The following CPNE4 variants were observed in gnomAD, a reference collection of about 807,000 sequenced individuals.
CPNE4 encodes the protein copine 4.
A neutral mutation model predicts 67.9 loss-of-function variants in CPNE4; 25 were observed. That is an observed-to-expected ratio of 0.37 (90% confidence interval 0.27 to 0.51). CPNE4 has a LOEUF of 0.51. Among genes scored for constraint, CPNE4 ranks in the 20% least tolerant of loss-of-function variants. The pLI is 0.93. For synonymous variants in CPNE4, 242 were observed against 244.9 expected (o/e 0.99, Z 0.11); for missense variants, 464 against 690.8 (o/e 0.67, Z 3.68).
intron 1 of CPNE4, among the ~76,000 whole-genome samples, chr3:131,926,986 G>A (rs562719854): frequency 6.6e-6 from 1 of 152,192 alleles, no homozygotes; most frequent in South Asian, 2.1e-4. Context: ...GAGAGAGGAA[G>A]GAGCAAGACA....
chr3:131,776,969 C>T (rs1213646887), intron 2 of CPNE4, among the ~76,000 whole-genome samples: 2 of 152,094 alleles, frequency 1.3e-5, no homozygotes, highest in Non-Finnish European at 2.9e-5. Context: ...TACTGCTACT[C>T]CTGTGCCCTA....
intron 1 of CPNE4, among the ~76,000 whole-genome samples, chr3:131,958,125 T>C (rs2072031163): frequency 6.6e-6 from 1 of 152,194 alleles, no homozygotes. Context: ...AACATGACAA[T>C]AGGTAACTTT....
chr3:131,569,511 G>T (rs912413292), intron 10 of CPNE4, among the ~76,000 whole-genome samples: 1 of 151,770 alleles, frequency 6.6e-6, no homozygotes, highest in Non-Finnish European at 1.5e-5. Flanking sequence ...GGTAGCATAT[G>T]GTTGTAGTCC....
intron 7 of CPNE4, among the ~76,000 whole-genome samples, chr3:131,655,241 C>CT (rs936062718): frequency 3.9e-5 from 6 of 152,204 alleles, no homozygotes; most frequent in African/African-American, 1.4e-4. Context: ...GGGCCCCACC[C>CT]TAGACCTACT....
At chr3:131,978,048 G>GAT (rs1279797313) in intron 1 of CPNE4, among the ~76,000 whole-genome samples, 1 of 76,568 alleles carries the variant, frequency 1.3e-5, no homozygotes, top group Non-Finnish European at 2.3e-5. Flanking sequence ...TTCCATCATA[G>GAT]ATATATATAA....
intron 2 of CPNE4, among the ~76,000 whole-genome samples, chr3:131,806,526 G>C (rs1359172035): frequency 6.7e-6 from 1 of 149,088 alleles, no homozygotes; most frequent in Non-Finnish European, 1.5e-5. Flanking sequence ...CTCCAGCCTG[G>C]GTGACAGAGT....
intron 6 of CPNE4, among the ~76,000 whole-genome samples, chr3:131,678,480 G>T (rs7432697): frequency 6.6e-6 from 1 of 151,834 alleles, no homozygotes; most frequent in Non-Finnish European, 1.5e-5. Flanking sequence ...ATGTTGAATA[G>T]GAGTGGTGAG....
At chr3:131,538,948 G>A (rs1221691394) in intron 15 of CPNE4, 1 of 152,090 alleles carries the variant, frequency 6.6e-6, no homozygotes, top group Non-Finnish European at 1.5e-5. Flanking sequence ...TCTTTATCCA[G>A]TCTATGATAT....
chr3:131,984,278 T>C (rs530109180), intron 1 of CPNE4, among the ~76,000 whole-genome samples: 1 of 152,210 alleles, frequency 6.6e-6, no homozygotes, highest in Non-Finnish European at 1.5e-5. Context: ...GATAAACTTA[T>C]CTTTTATCAT....
At chr3:131,574,300 G>A (rs1937485863) in intron 10 of CPNE4, among the ~76,000 whole-genome samples, 1 of 152,004 alleles carries the variant, frequency 6.6e-6, no homozygotes, top group Non-Finnish European at 1.5e-5. Context: ...TTTGCCATCT[G>A]GGGATTCTTT....
chr3:131,669,794 G>A (rs189384304), intron 6 of CPNE4, 30 bp from the exon 7 acceptor site: 2 of 1,516,572 alleles, frequency 1.3e-6, no homozygotes, highest in South Asian at 2.3e-5. Flanking sequence ...AGTGGTGAGT[G>A]GGGGAGAAAT....
chr3:131,642,167 T>TA (rs1386980366), intron 7 of CPNE4, among the ~76,000 whole-genome samples: 1 of 151,928 alleles, frequency 6.6e-6, no homozygotes, highest in Non-Finnish European at 1.5e-5. Flanking sequence ...AAATAAAAAA[T>TA]AAAAAAATTT....
chr3:132,032,543 T>C (rs935079703), intron 1 of CPNE4, among the ~76,000 whole-genome samples: 2 of 152,240 alleles, frequency 1.3e-5, no homozygotes, highest in Non-Finnish European at 2.9e-5. Flanking sequence ...ACCATAAGAA[T>C]CTTCCCATGA....
At chr3:132,010,925 A>C (rs1207153908) in intron 1 of CPNE4, among the ~76,000 whole-genome samples, 2 of 152,176 alleles carry the variant, frequency 1.3e-5, no homozygotes, top group Non-Finnish European at 1.5e-5. Context: ...AAGGCACCCC[A>C]GTAGGGGAGC....
At chr3:131,943,077 A>C (rs1420740612) in intron 1 of CPNE4, among the ~76,000 whole-genome samples, 1 of 152,188 alleles carries the variant, frequency 6.6e-6, no homozygotes, top group African/African-American at 2.4e-5. Flanking sequence ...GAATTTACAA[A>C]AGTAATAAAG....
At chr3:131,594,759 C>A (rs1938742078) in intron 7 of CPNE4, among the ~76,000 whole-genome samples, 1 of 152,186 alleles carries the variant, frequency 6.6e-6, no homozygotes, top group African/African-American at 2.4e-5. Context: ...AATTAACGGG[C>A]AACCTATGGA....
At chr3:131,553,628 G>A (rs1936305301) in intron 12 of CPNE4, among the ~76,000 whole-genome samples, 1 of 152,062 alleles carries the variant, frequency 6.6e-6, no homozygotes, top group African/African-American at 2.4e-5. Flanking sequence ...AATATACTCT[G>A]TGCTGACTTC....
intron 2 of CPNE4, among the ~76,000 whole-genome samples, chr3:131,858,964 T>C: frequency 6.6e-6 from 1 of 152,110 alleles, no homozygotes; most frequent in Non-Finnish European, 1.5e-5. Flanking sequence ...AAAATCTGAA[T>C]CTCTTGGGAA....
chr3:131,726,725 G>A lies in CPNE4; in HGVS notation c.181-3100C>T, dbSNP rs1346657705. On this transcript the variant is annotated intron_variant, in intron 2 of 15. Coordinates refer to ENST00000429747, the MANE Select transcript of CPNE4 (RefSeq NM_130808.3). ...GCTGCATCCTAATCAACTGGGGGGG[G>A]CGGGGGGGCTTTCTTTAAAACTCAG... is the stretch of plus-strand genomic sequence containing the variant. 3.3e-5 allele frequency among the ~76,000 whole-genome samples: 4 copies of A among 122,588 alleles called. No individual in the cohort carries two copies. The East Asian group carries it at 8.7e-4, about 27-fold the overall frequency. 80.4% of individuals were successfully genotyped at this position (122,588 alleles called of 152,430 possible).
Sources: allele counts gnomAD v4.1 joint callset (sites outside exome capture counted in the v4.1 genomes callset), GRCh38; gene constraint gnomAD v4.1.1; transcripts MANE v1.5; gene names NCBI Gene and HGNC (gene_info 2026-07-23, HGNC 2026-07-21).